ALK: variants seen among roughly 807,000 people sequenced by gnomAD.
ALK encodes ALK receptor tyrosine kinase.
Under a neutral mutation model 163.1 loss-of-function variants are expected in ALK, and 74 were observed. The observed-to-expected ratio is 0.45, with a 90% CI of 0.38 to 0.55. The LOEUF (loss-of-function observed/expected upper bound fraction) is 0.55. Among genes scored for constraint, ALK ranks in the 20% least tolerant of loss-of-function variants. The probability of loss-of-function intolerance (pLI) is 0.00; values close to 1 mark genes in which losing one functional copy is unlikely to be tolerated. For synonymous variants in ALK, 960 were observed against 843.2 expected (o/e 1.14, Z -2.40); for missense variants, 2,063 against 2,105.3 (o/e 0.98, Z 0.39).
chr2:29,557,762 G>T lies in ALK; in HGVS notation c.953-25646C>A, dbSNP rs192559316. Among the ~76,000 whole-genome samples, 922 of 152,210 alleles carry T rather than the reference G, an allele frequency of 6.1e-3. 14 individuals carry two copies. Among genetic ancestry groups the T allele is most frequent in the African/African-American group, 0.021 (880 of 41,534 alleles). ...AAAACAAGCAAGAACAAAACAAAAG[G>T]TATACATAGGTCCTAAGTGCCACAT... On this transcript the variant is annotated intron_variant, in intron 3 of 28. Coordinates refer to ENST00000389048, the MANE Select transcript of ALK (RefSeq NM_004304.5).
chr2:29,886,117 G>A (rs529955462), intron 1 of ALK, among the ~76,000 whole-genome samples: 55 of 152,058 alleles, frequency 3.6e-4, no homozygotes, highest in South Asian at 2.5e-3. Context: ...AATAGTAAAC[G>A]TATTTTCTCT....
At chr2:29,475,892 A>G (rs916353720) in intron 4 of ALK, among the ~76,000 whole-genome samples, 2 of 152,200 alleles carry the variant, frequency 1.3e-5, no homozygotes, top group Non-Finnish European at 2.9e-5. Flanking sequence ...ATGTCTATAA[A>G]ATCCCAGACA....
intron 1 of ALK, among the ~76,000 whole-genome samples, chr2:29,916,617 T>C (rs1667841564): frequency 6.6e-6 from 1 of 152,208 alleles, no homozygotes; most frequent in Middle Eastern, 3.2e-3. Flanking sequence ...ATATATTGCA[T>C]TGCATACATC....
intron 4 of ALK, among the ~76,000 whole-genome samples, chr2:29,456,562 G>A (rs1670958885): frequency 6.6e-6 from 1 of 152,168 alleles, no homozygotes. Context: ...GCTAGAGGGA[G>A]AATGAGGACT....
intron 1 of ALK, among the ~76,000 whole-genome samples, chr2:29,725,393 A>G (rs1679543161): frequency 6.6e-6 from 1 of 152,062 alleles, no homozygotes; most frequent in South Asian, 2.1e-4. Context: ...CCCTTCTTAA[A>G]GGCCCAGCTC....
chr2:29,693,469 C>A (rs1169968026), intron 3 of ALK, among the ~76,000 whole-genome samples: 2 of 151,262 alleles, frequency 1.3e-5, no homozygotes, highest in East Asian at 3.9e-4. Context: ...CAATACCTAT[C>A]ACCATCCAGA....
At chr2:29,817,735 T>C (rs574264344) in intron 1 of ALK, among the ~76,000 whole-genome samples, 2 of 152,190 alleles carry the variant, frequency 1.3e-5, no homozygotes, top group East Asian at 1.9e-4. Context: ...CAAGTCCACA[T>C]AGATGCAGGG....
chr2:29,895,065 G>A (rs574424236), intron 1 of ALK, among the ~76,000 whole-genome samples: 12 of 146,504 alleles, frequency 8.2e-5, no homozygotes, highest in Non-Finnish European at 1.6e-4. Context: ...TAATATCAAG[G>A]TGTCATCATT....
At chr2:29,557,406 G>A (rs1398279607) in intron 3 of ALK, among the ~76,000 whole-genome samples, 1 of 152,200 alleles carries the variant, frequency 6.6e-6, no homozygotes, top group Non-Finnish European at 1.5e-5. Flanking sequence ...AATAATTCCA[G>A]CCAGATTCTC....
intron 1 of ALK, among the ~76,000 whole-genome samples, chr2:29,833,317 C>T (rs1391702932): frequency 6.6e-6 from 1 of 152,202 alleles, no homozygotes; most frequent in African/African-American, 2.4e-5. Context: ...ATCAATAATG[C>T]AGCAGCCTCC....
intron 3 of ALK, among the ~76,000 whole-genome samples, chr2:29,633,000 G>C (rs1312202385): frequency 6.6e-6 from 1 of 152,136 alleles, no homozygotes; most frequent in Non-Finnish European, 1.5e-5. Flanking sequence ...GATGAGATTT[G>C]GGTGGGGACA....
chr2:29,720,782 T>C (rs1679398045), intron 1 of ALK, among the ~76,000 whole-genome samples: 1 of 152,058 alleles, frequency 6.6e-6, no homozygotes, highest in Admixed American at 6.6e-5. Flanking sequence ...CAGGGAAGGA[T>C]TTTCTAGCAG....
chr2:29,881,221 G>A (rs1666855904), intron 1 of ALK, among the ~76,000 whole-genome samples: 1 of 152,188 alleles, frequency 6.6e-6, no homozygotes, highest in South Asian at 2.1e-4. Context: ...AAAGAGCTGA[G>A]CCTTGCAAAG....
At chr2:29,827,303 C>T (rs1229010080) in intron 1 of ALK, among the ~76,000 whole-genome samples, 1 of 152,162 alleles carries the variant, frequency 6.6e-6, no homozygotes, top group East Asian at 1.9e-4. Context: ...TGCTCAAGAT[C>T]TCTAATTTGT....
chr2:29,600,069 C>T (rs1675340596), intron 3 of ALK, among the ~76,000 whole-genome samples: 2 of 152,164 alleles, frequency 1.3e-5, no homozygotes, highest in South Asian at 2.1e-4. Context: ...ATCCACATCA[C>T]CCATCCACAC....
At chr2:29,503,628 G>T (rs948410610) in intron 4 of ALK, among the ~76,000 whole-genome samples, 1 of 152,122 alleles carries the variant, frequency 6.6e-6, no homozygotes, top group Non-Finnish European at 1.5e-5. Context: ...TTCCATCAGT[G>T]GAGTTTTCTG....
chr2:29,402,623 T>C (rs1669475982), intron 4 of ALK, among the ~76,000 whole-genome samples: 1 of 152,258 alleles, frequency 6.6e-6, no homozygotes, highest in African/African-American at 2.4e-5. Flanking sequence ...GGTCATTCTC[T>C]TCTGGATTTA....
rs1281913510 is a variant in ALK at position 29,411,935 on chromosome 2, T to TG, written c.1155-28077dup. Among the ~76,000 whole-genome samples the TG allele has an allele frequency of 2.0e-5, 3 of 152,364 alleles. No homozygotes were observed. In the East Asian group the frequency reaches 5.8e-4, roughly 29 times the overall value. The stretch of plus-strand genomic sequence containing the variant: ...TTTGAGATGTCACTCATACACTCTT[T>TG]GGTGACACCAGCCCAAGCGCAAGCA... On this transcript the variant is annotated intron_variant, in intron 4 of 28. Transcript: ENST00000389048.
chr2:29,841,443 C>G (rs1347192853), intron 1 of ALK, among the ~76,000 whole-genome samples: 1 of 152,228 alleles, frequency 6.6e-6, no homozygotes, highest in Non-Finnish European at 1.5e-5. Context: ...GGCAGGTGCT[C>G]TTCCATTTGC....
Sources: gnomAD v4.1 joint callset for allele counts (sites outside exome capture counted in the v4.1 genomes callset) on GRCh38, gnomAD v4.1.1 for gene constraint, MANE v1.5 for transcripts, NCBI Gene and HGNC (gene_info 2026-07-23, HGNC 2026-07-21) for gene names.